CAMKMT: variants seen among roughly 807,000 people sequenced by gnomAD.
CAMKMT encodes calmodulin-lysine N-methyltransferase.
A neutral mutation model predicts 48.0 loss-of-function variants in CAMKMT; 53 were observed. The observed-to-expected ratio is 1.10, with a 90% CI of 0.89 to 1.39. The LOEUF (loss-of-function observed/expected upper bound fraction) is 1.39, where lower values mean the gene tolerates loss of function less well. CAMKMT is among the 40% of genes most tolerant of loss of function. CAMKMT has a pLI of 0.00. For missense variants in CAMKMT, 428 were observed against 402.7 expected, an observed-to-expected ratio of 1.06 and a Z score of -0.54; for synonymous variants, 165 against 152.3, an observed-to-expected ratio of 1.08 and a Z score of -0.61.
intron 3 of CAMKMT, among the ~76,000 whole-genome samples, chr2:44,532,258 T>C (rs1213360866): frequency 6.6e-6 from 1 of 152,218 alleles, no homozygotes; most frequent in Non-Finnish European, 1.5e-5. Context: ...AATGTACAAA[T>C]GTCTAGGAGA....
At chr2:44,614,212 A>G (rs1174313782) in intron 3 of CAMKMT, among the ~76,000 whole-genome samples, 1 of 152,252 alleles carries the variant, frequency 6.6e-6, no homozygotes, top group African/African-American at 2.4e-5. Flanking sequence ...CAAAGAGGAT[A>G]GCATGAACCA....
rs901580101 is a variant in CAMKMT, at chr2:44,608,774, C to A, written c.377-95509C>A. Among the ~76,000 whole-genome samples, 9 of 152,194 alleles carry A rather than the reference C, an allele frequency of 5.9e-5. No homozygotes were observed. The South Asian group carries it at 1.9e-3, about 32-fold the overall frequency. On this transcript the variant is annotated intron_variant, in intron 3 of 10. Transcript: ENST00000378494. Reference sequence around the variant, plus strand: ...TTCCTCCTCCTCCCTCTTTTATTTTCTTACCAGTCATTTTTGAAGAAAACA... The same window carrying A: ...TTCCTCCTCCTCCCTCTTTTATTTTATTACCAGTCATTTTTGAAGAAAACA...
rs776142727 is a variant in CAMKMT, at chr2:44,772,177, G to A, written c.*64G>A. 36 of 1,432,478 alleles carry A rather than the reference G, an allele frequency of 2.5e-5. No homozygotes were observed. Among genetic ancestry groups the A allele is most frequent in the Middle Eastern group, 1.8e-4 (1 of 5,660 alleles). 88.7% of individuals were successfully genotyped at this position (1,432,478 alleles called of 1,614,324 possible). On this transcript the variant is annotated 3_prime_UTR_variant, in exon 11 of 11. Coordinates refer to ENST00000378494, the MANE Select transcript of CAMKMT (RefSeq NM_024766.5). The stretch of plus-strand genomic sequence containing the variant: ...GCATAGGGAATATTTTTACAAAAAC[G>A]GAAATCTGTAAGGGGTATAATCGCC...
At chr2:44,761,347 T>C (rs530078672) in intron 9 of CAMKMT, among the ~76,000 whole-genome samples, 4 of 151,984 alleles carry the variant, frequency 2.6e-5, no homozygotes, top group Admixed American at 2.6e-4. Flanking sequence ...AAGATGTGTA[T>C]GAGGGAGTGG....
At chr2:44,579,249 AT>A (rs1669408204) in intron 3 of CAMKMT, among the ~76,000 whole-genome samples, 1 of 152,064 alleles carries the variant, frequency 6.6e-6, no homozygotes, top group Non-Finnish European at 1.5e-5. Context: ...TTTGGAACAA[AT>A]TTGTTACATG....
intron 3 of CAMKMT, among the ~76,000 whole-genome samples, chr2:44,395,850 A>G (rs1300784660): frequency 6.6e-6 from 1 of 152,158 alleles, no homozygotes; most frequent in Non-Finnish European, 1.5e-5. Context: ...ATTCTGTTTT[A>G]ATATCATACA....
chr2:44,580,934 C>T (rs897113115), intron 3 of CAMKMT, among the ~76,000 whole-genome samples: 2 of 152,110 alleles, frequency 1.3e-5, no homozygotes, highest in Admixed American at 6.6e-5. Flanking sequence ...GGCAAATTAT[C>T]GGCTGCTTGC....
At chr2:44,473,838 G>C (rs1388817983) in intron 3 of CAMKMT, among the ~76,000 whole-genome samples, 1 of 152,160 alleles carries the variant, frequency 6.6e-6, no homozygotes, top group Non-Finnish European at 1.5e-5. Flanking sequence ...TTCTGTGCCT[G>C]ATCTTTGGTT....
At chr2:44,579,608 G>A (rs1311299338) in intron 3 of CAMKMT, among the ~76,000 whole-genome samples, 2 of 152,178 alleles carry the variant, frequency 1.3e-5, no homozygotes, top group Admixed American at 6.5e-5. Flanking sequence ...CCCACAAAAG[G>A]TTTTTGGTTT....
Position 44,563,397 on chromosome 2 carries a change from A to T in CAMKMT, c.377-140886A>T, listed in dbSNP as rs76085967. Among the ~76,000 whole-genome samples, 644 of 151,812 alleles carry T rather than the reference A, an allele frequency of 4.2e-3. 4 individuals carry two copies. Among genetic ancestry groups the T allele is most frequent in the African/African-American group, 0.015 (605 of 41,506 alleles). On this transcript the variant is annotated intron_variant, in intron 3 of 10. Transcript: ENST00000378494. ...TATTGTTTTGCCTTATGTAGATATT[A>T]CCATTTGTGCTCCTGACACAGTAAA...
chr2:44,572,215 A>G (rs1668944411), intron 3 of CAMKMT, among the ~76,000 whole-genome samples: 1 of 152,080 alleles, frequency 6.6e-6, no homozygotes, highest in Admixed American at 6.6e-5. Flanking sequence ...TTTTTAAAAA[A>G]TTTAATTCTT....
At chr2:44,583,413 C>T (rs1039256210) in intron 3 of CAMKMT, among the ~76,000 whole-genome samples, 1 of 152,130 alleles carries the variant, frequency 6.6e-6, no homozygotes, top group Admixed American at 6.5e-5. Context: ...TTAGAGGATT[C>T]TTCAATAAGA....
At chr2:44,733,840 G>A (rs1352542147) in intron 7 of CAMKMT, among the ~76,000 whole-genome samples, 4 of 152,022 alleles carry the variant, frequency 2.6e-5, no homozygotes, top group African/African-American at 4.8e-5. Context: ...GTATATTATG[G>A]ACAACTTTGG....
intron 3 of CAMKMT, among the ~76,000 whole-genome samples, chr2:44,414,321 C>G (rs1683406909): frequency 6.6e-6 from 1 of 152,100 alleles, no homozygotes; most frequent in Non-Finnish European, 1.5e-5. Context: ...ATGAATGGTT[C>G]CTATGGTTCT....
chr2:44,681,550 T>G (rs909950508), intron 3 of CAMKMT, among the ~76,000 whole-genome samples: 1 of 152,164 alleles, frequency 6.6e-6, no homozygotes. Context: ...CTTTTTTTTT[T>G]TTTTTGGAGG....
At chr2:44,470,726 G>A (rs371008836) in intron 3 of CAMKMT, among the ~76,000 whole-genome samples, 2 of 151,954 alleles carry the variant, frequency 1.3e-5, no homozygotes, top group Admixed American at 6.6e-5. Context: ...CAACAACCTT[G>A]CGTATTATCT....
intron 10 of CAMKMT, 84 bp from the exon 11 acceptor site, chr2:44,771,952 A>G: frequency 2.1e-6 from 2 of 939,002 alleles, no homozygotes; most frequent in Non-Finnish European, 1.7e-6. Context: ...TGTAAAAGTC[A>G]TCATGATACT....
intron 6 of CAMKMT, among the ~76,000 whole-genome samples, chr2:44,708,824 G>A (rs927392011): frequency 6.6e-6 from 1 of 152,038 alleles, no homozygotes; most frequent in African/African-American, 2.4e-5. Flanking sequence ...TTAGAGGGTG[G>A]GGGGAGCAGG....
At chr2:44,474,109 C>T (rs1427130969) in intron 3 of CAMKMT, among the ~76,000 whole-genome samples, 3 of 152,106 alleles carry the variant, frequency 2.0e-5, no homozygotes, top group Non-Finnish European at 2.9e-5. Context: ...CATCACAGTT[C>T]TTCTTTGGAA....
Sources: allele counts gnomAD v4.1 joint callset (sites outside exome capture counted in the v4.1 genomes callset), GRCh38; gene constraint gnomAD v4.1.1; transcripts MANE v1.5; gene names NCBI Gene and HGNC (gene_info 2026-07-23, HGNC 2026-07-21).